ZNF500: variants seen among roughly 807,000 people sequenced by gnomAD.
ZNF500 encodes zinc finger protein 500.
In ZNF500, 31 loss-of-function variants were observed where a neutral mutation model predicts 30.1. The observed-to-expected ratio is 1.03, with a 90% CI of 0.77 to 1.39. The LOEUF (loss-of-function observed/expected upper bound fraction) is 1.39, where lower values mean the gene tolerates loss of function less well. Among genes scored for constraint, ZNF500 ranks in the 40% most tolerant of loss-of-function variants. The pLI is 0.00. For synonymous variants in ZNF500, 392 were observed against 282.0 expected (o/e 1.39, Z -3.91); for missense variants, 817 against 657.8 (o/e 1.24, Z -2.65).
intron 4 of ZNF500, among the ~76,000 whole-genome samples, chr16:4,761,682 TA>T (rs534995351): frequency 3.7e-5 from 5 of 135,778 alleles, no homozygotes; most frequent in Admixed American, 7.4e-5. Context: ...TGTGTCCCAT[TA>T]AAAAAAAAAC....
chr16:4,763,140 G>A, intron 2 of ZNF500: 2 of 985,206 alleles, frequency 2.0e-6, no homozygotes, highest in Non-Finnish European at 2.4e-6. Flanking sequence ...GCTCACACCT[G>A]TAATTCCAGC....
chr16:4,763,630 C>G (rs1306286976), intron 2 of ZNF500: 5 of 985,300 alleles, frequency 5.1e-6, no homozygotes, highest in Non-Finnish European at 6.0e-6. Flanking sequence ...GCGTAGTCCC[C>G]TTGGGGAGCA....
downstream of ZNF500, among the ~76,000 whole-genome samples, chr16:4,747,792 AC>A: frequency 9.9e-6 from 1 of 100,906 alleles, no homozygotes; most frequent in East Asian, 3.7e-4. Context: ...GAGCTCAGTC[AC>A]AGGTGCATGA....
At chr16:4,766,570 G>C (rs1476046067) in intron 1 of ZNF500, among the ~76,000 whole-genome samples, 1 of 152,166 alleles carries the variant, frequency 6.6e-6, no homozygotes, top group East Asian at 1.9e-4. Context: ...GCAGTGAACT[G>C]AGATAGCGCC....
chr16:4,752,305 G>C lies in ZNF500; in HGVS notation c.*71C>G. On this transcript the variant is annotated 3_prime_UTR_variant, in exon 6 of 6. Transcript: ENST00000219478. ...GCAGCTGGCAATGCTTTCGGACCAGGCTGTCTAGCAGTTTCCTGAATTCTG... is the reference window on the plus strand; with the variant it reads ...GCAGCTGGCAATGCTTTCGGACCAGCCTGTCTAGCAGTTTCCTGAATTCTG... 2.8e-6 allele frequency: 4 copies of C among 1,432,022 alleles called. No homozygotes were observed. Among genetic ancestry groups the C allele is most frequent in the Non-Finnish European group, 3.6e-6 (4 of 1,097,446 alleles). 88.7% of individuals were successfully genotyped at this position (1,432,022 alleles called of 1,614,324 possible).
At chr16:4,757,647 G>C (rs2082150667) in intron 5 of ZNF500, among the ~76,000 whole-genome samples, 1 of 151,992 alleles carries the variant, frequency 6.6e-6, no homozygotes, top group Non-Finnish European at 1.5e-5. Flanking sequence ...CTGTTGCCCA[G>C]ACTGGAGTGC....
In ZNF500 at chr16:4,752,969, G is replaced by A. The variant is rs367885501; in HGVS notation, c.850C>T (p.Gln284Ter). The change falls in exon 6 of 6, where the codon CAG (glutamine) becomes TAG (stop). Residue 284 changes from glutamine (Q) to a stop codon, truncating the protein, a stop_gained. Coordinates refer to ENST00000219478, the MANE Select transcript of ZNF500 (RefSeq NM_021646.4). LOFTEE classifies it low-confidence loss of function (END_TRUNC). Reference protein sequence around the residue: ...EWYRVLSARCQGPGHPLPGQR... With the variant: ...EWYRVLSARC ...CCTGGGAGCGGGTGGCCAGGCCCCT[G>A]GCATCGTGCCGAGAGCACTCGGTAC... 1.0e-5 allele frequency: 16 copies of A among 1,607,522 alleles called. No individual in the cohort carries two copies. The highest frequency in any genetic ancestry group is 2.7e-5 in the African/African-American group (2 of 74,826).
At chr16:4,764,140 C>CCTGT (rs1375410874) in intron 2 of ZNF500, 8 of 969,710 alleles carry the variant, frequency 8.2e-6, no homozygotes, top group African/African-American at 1.8e-5. Context: ...TCAGAAGGGT[C>CCTGT]CTGTCTGTGC....
intron 1 of ZNF500, 73 bp from the exon 2 acceptor site, chr16:4,766,149 T>A: frequency 1.4e-6 from 1 of 692,772 alleles, no homozygotes; most frequent in Non-Finnish European, 2.2e-6. Flanking sequence ...GGGAAGCCCC[T>A]GCCCTGGTTC....
At chr16:4,759,848 C>G (rs768782572) in intron 5 of ZNF500, among the ~76,000 whole-genome samples, 59 of 152,286 alleles carry the variant, frequency 3.9e-4, no homozygotes, top group Middle Eastern at 3.4e-3. Context: ...ACCAGCCTGG[C>G]CAACATGGTG....
In ZNF500 at chr16:4,765,862, C is replaced by T; in HGVS notation, c.117G>A (p.Val39=). Residue 39 remains valine (V), a synonymous_variant, in exon 2 of 6, where the codon GTG becomes GTA. Coordinates refer to ENST00000219478, the MANE Select transcript of ZNF500 (RefSeq NM_021646.4). ...EDFCLEEEPS[V]ETEDPSPETF... Reference sequence around the variant, plus strand: ...TCTCAGGGCTGGGGTCCTCCGTCTCCACGGAGGGCTCCTCTTCCAAGCAGA... The same window carrying T: ...TCTCAGGGCTGGGGTCCTCCGTCTCTACGGAGGGCTCCTCTTCCAAGCAGA... 1 of 1,613,790 alleles carries T rather than the reference C, an allele frequency of 6.2e-7. No homozygotes were observed. Among genetic ancestry groups the T allele is most frequent in the Non-Finnish European group, 8.5e-7 (1 of 1,180,002 alleles).
At chr16:4,745,137 T>C, downstream of ZNF500, 2 of 1,264,634 alleles carry the variant, frequency 1.6e-6, no homozygotes, top group Non-Finnish European at 2.2e-6. Context: ...CTCAAGCATC[T>C]GATCAGGCAG....
chr16:4,756,119 C>G (rs1021252493), intron 5 of ZNF500, among the ~76,000 whole-genome samples: 8 of 152,148 alleles, frequency 5.3e-5, no homozygotes, highest in African/African-American at 1.9e-4. Flanking sequence ...TTTTGAGGGC[C>G]AGGCCTGATA....
rs11076845 is a variant in ZNF500 at position 4,751,365 on chromosome 16, C to T, written c.*1011G>A. 1.7e-5 allele frequency: 9 copies of T among 542,922 alleles called. No homozygotes were observed. In the East Asian group the frequency reaches 1.9e-4, roughly 12 times the overall value. The allele number at this position is 542,922 out of a possible 1,614,324, so 33.6% of individuals were successfully genotyped here. ...CAGACACTAAGGGGCCAGGAGCAAA[C>T]GCAGCCCTGGGCCCCGGCCCTGGGG... is the stretch of plus-strand genomic sequence containing the variant. On this transcript the variant is annotated 3_prime_UTR_variant, in exon 6 of 6. Coordinates refer to ENST00000219478, the MANE Select transcript of ZNF500 (RefSeq NM_021646.4).
intron 2 of ZNF500, among the ~76,000 whole-genome samples, chr16:4,764,653 G>A (rs898351237): frequency 6.6e-6 from 1 of 151,754 alleles, no homozygotes; most frequent in African/African-American, 2.4e-5. Context: ...GTGGTGGTGG[G>A]CGCCTGTAGT....
intron 5 of ZNF500, among the ~76,000 whole-genome samples, chr16:4,757,769 A>AT (rs1262430687): frequency 6.8e-6 from 1 of 147,138 alleles, no homozygotes; most frequent in Non-Finnish European, 1.5e-5. Flanking sequence ...CACCCAGCTA[A>AT]TTTTTGTATT....
intron 5 of ZNF500, among the ~76,000 whole-genome samples, chr16:4,759,022 C>T (rs1426205248): frequency 2.6e-5 from 4 of 152,054 alleles, no homozygotes; most frequent in Non-Finnish European, 5.9e-5. Flanking sequence ...CCAGCTTGGC[C>T]AACATGGCAA....
In ZNF500 at chr16:4,762,270, C is replaced by G; in HGVS notation, c.663+1G>C. The G allele has an allele frequency of 1.2e-6, 2 of 1,611,318 alleles. No homozygotes were observed. Among genetic ancestry groups the G allele is most frequent in the Non-Finnish European group, 1.7e-6 (2 of 1,178,818 alleles). ...CTGCAGACCAGGAGCATCCCACTCA[C>G]CTGGGACCAGGCCGAAAGGAAGGGC... On this transcript the variant is annotated splice_donor_variant, in intron 4 of 5. Coordinates refer to ENST00000219478, the MANE Select transcript of ZNF500 (RefSeq NM_021646.4). LOFTEE classifies it high-confidence loss of function.
In ZNF500 at chr16:4,755,157, C is replaced by G. The variant is rs529267526; in HGVS notation, c.761-2099G>C. On this transcript the variant is annotated intron_variant, in intron 5 of 5. Coordinates refer to ENST00000219478, the MANE Select transcript of ZNF500 (RefSeq NM_021646.4). ...TTACCAGGTCTCAGGTATTTCTTTA[C>G]AGCAATGCGAGAATGACCTAATACA... Among the ~76,000 whole-genome samples the G allele has an allele frequency of 8.5e-4, 129 of 152,282 alleles. 1 individual carries two copies. Among genetic ancestry groups the G allele is most frequent in the African/African-American group, 3.0e-3 (125 of 41,566 alleles).
Sources: allele counts gnomAD v4.1 joint callset (sites outside exome capture counted in the v4.1 genomes callset), GRCh38; gene constraint gnomAD v4.1.1; transcripts MANE v1.5; gene names NCBI Gene and HGNC (gene_info 2026-07-23, HGNC 2026-07-21).